KCNIP3: variants seen among roughly 807,000 people sequenced by gnomAD.
KCNIP3 encodes the protein potassium voltage-gated channel interacting protein 3.
KCNIP3 carries 28 observed loss-of-function variants against 35.0 expected under a neutral mutation model. The observed-to-expected ratio is 0.80, with a 90% confidence interval of 0.59 to 1.10. KCNIP3 has a LOEUF of 1.10. KCNIP3 is among the 50% of genes least tolerant of loss of function. KCNIP3 has a pLI of 0.00. For synonymous variants in KCNIP3, 134 were observed against 133.8 expected (o/e 1.00, Z -0.01); for missense variants, 295 against 338.4 (o/e 0.87, Z 1.01).
chr2:95,338,394 G>A (rs1051052258), intron 2 of KCNIP3, among the ~76,000 whole-genome samples: 3 of 152,210 alleles, frequency 2.0e-5, no homozygotes, highest in African/African-American at 7.2e-5. Context: ...CAGAGCCCAG[G>A]AACCTGTGTC....
intron 1 of KCNIP3, among the ~76,000 whole-genome samples, chr2:95,305,665 C>G (rs1354926691): frequency 6.6e-6 from 1 of 152,214 alleles, no homozygotes; most frequent in Non-Finnish European, 1.5e-5. Context: ...TGCCTCCCCC[C>G]ATCCTTAACC....
intron 2 of KCNIP3, among the ~76,000 whole-genome samples, chr2:95,337,671 T>C (rs1679091887): frequency 6.6e-6 from 1 of 152,226 alleles, no homozygotes; most frequent in African/African-American, 2.4e-5. Flanking sequence ...CATTTTACAG[T>C]TGCAGACATT....
Position 95,377,834 on chromosome 2 carries a change from T to G in KCNIP3, c.447+2626T>G, listed in dbSNP as rs1431731725. On this transcript the variant is annotated intron_variant, in intron 5 of 8. Transcript: ENST00000295225. The surrounding 1 kb of genome is among the most constrained non-coding windows in gnomAD (Gnocchi z 4.7). ...AAGGGATACTGCATAGGGACATTCC[T>G]CAGCTGCTAGCAGCAGGCTCTGTGG... 6.6e-6 allele frequency among the ~76,000 whole-genome samples: 1 copy of G among 152,196 alleles called. No homozygotes were observed. The highest frequency in any genetic ancestry group is 1.5e-5 in the Non-Finnish European group (1 of 68,040).
At chr2:95,345,876 C>G (rs1182181511) in intron 2 of KCNIP3, among the ~76,000 whole-genome samples, 1 of 152,242 alleles carries the variant, frequency 6.6e-6, no homozygotes, top group African/African-American at 2.4e-5. Flanking sequence ...AACGAATAAG[C>G]ATGCCCTTGC....
chr2:95,383,390 C>T (rs1573525792), intron 8 of KCNIP3, 96 bp downstream of exon 8: 3 of 1,226,578 alleles, frequency 2.4e-6, no homozygotes, highest in Admixed American at 3.9e-5. Flanking sequence ...CCCAGTCCCA[C>T]CCCTGCCAGT....
chr2:95,341,296 C>A (rs562869481), intron 2 of KCNIP3, among the ~76,000 whole-genome samples: 13 of 152,158 alleles, frequency 8.5e-5, no homozygotes, highest in African/African-American at 3.1e-4. Flanking sequence ...TGTGCCTGCT[C>A]CCCCTTCACC....
At chr2:95,346,553 G>T (rs1266253941) in intron 2 of KCNIP3, among the ~76,000 whole-genome samples, 1 of 146,532 alleles carries the variant, frequency 6.8e-6, no homozygotes, top group Non-Finnish European at 1.5e-5. Flanking sequence ...CGCGGGGAGC[G>T]GCGATGGAGG....
In KCNIP3 at chr2:95,382,592, C is replaced by T; in HGVS notation, c.660+111C>T. 1.5e-6 allele frequency: 1 copy of T among 671,756 alleles called. No homozygotes were observed. The highest frequency in any genetic ancestry group is 2.5e-6 in the Non-Finnish European group (1 of 407,140). The allele number at this position is 671,756 out of a possible 1,614,324, so 41.6% of individuals were successfully genotyped here. A position where few individuals can be genotyped will look rare whatever the true frequency, so the allele number is the denominator to read the frequency against. The stretch of plus-strand genomic sequence containing the variant: ...TGCCCCTCTGAGCCTCCCTACTCCC[C>T]ATGAGGAGGTTAAACTTGCCCCTCC... On this transcript the variant is annotated intron_variant, in intron 7 of 8. Coordinates refer to ENST00000295225, the MANE Select transcript of KCNIP3 (RefSeq NM_013434.5). The surrounding 1 kb of genome is among the most constrained non-coding windows in gnomAD (Gnocchi z 4.5).
chr2:95,358,283 T>C (rs1296266001), intron 2 of KCNIP3, among the ~76,000 whole-genome samples: 1 of 152,242 alleles, frequency 6.6e-6, no homozygotes, highest in Non-Finnish European at 1.5e-5. Flanking sequence ...GCCCAGTACC[T>C]GGTGCATTTC....
chr2:95,297,568 G>C (rs1047076782), intron 1 of KCNIP3, 115 bp downstream of exon 1: 3 of 842,314 alleles, frequency 3.6e-6, no homozygotes, highest in African/African-American at 1.7e-5. Flanking sequence ...GTCCCCTCTT[G>C]TTCCACTTTC....
intron 2 of KCNIP3, among the ~76,000 whole-genome samples, chr2:95,345,955 T>C (rs1253937372): frequency 6.6e-6 from 1 of 152,042 alleles, no homozygotes; most frequent in African/African-American, 2.4e-5. Context: ...CGTCTCCCCC[T>C]CTCTGCGGAG....
chr2:95,325,408 CA>C (rs1204768693), intron 2 of KCNIP3, among the ~76,000 whole-genome samples: 3 of 152,168 alleles, frequency 2.0e-5, no homozygotes, highest in Admixed American at 6.5e-5. Flanking sequence ...AGAGGACAGT[CA>C]GGGGACGTCC....
At chr2:95,322,236 C>T (rs1678613714) in intron 2 of KCNIP3, among the ~76,000 whole-genome samples, 1 of 152,172 alleles carries the variant, frequency 6.6e-6, no homozygotes, top group Non-Finnish European at 1.5e-5. Context: ...TGGTGACACA[C>T]ACCTGTGGTC....
At chr2:95,335,218 C>T (rs1230502223) in intron 2 of KCNIP3, among the ~76,000 whole-genome samples, 1 of 152,244 alleles carries the variant, frequency 6.6e-6, no homozygotes, top group Non-Finnish European at 1.5e-5. Context: ...ATGTGGTTCC[C>T]ACATGGGAAA....
At chr2:95,358,180 G>A (rs913892148) in intron 2 of KCNIP3, among the ~76,000 whole-genome samples, 7 of 152,196 alleles carry the variant, frequency 4.6e-5, no homozygotes, top group African/African-American at 1.7e-4. Context: ...GTGGCAAGCT[G>A]CAGGAGGCCT....
intron 2 of KCNIP3, among the ~76,000 whole-genome samples, chr2:95,356,682 G>A (rs1056500119): frequency 5.3e-5 from 8 of 152,068 alleles, no homozygotes; most frequent in Admixed American, 4.6e-4. Flanking sequence ...TATTTCTGAG[G>A]CCTCTGTTCT....
Position 95,378,829 on chromosome 2 carries a change from CACACATATTTATATACACATATATAT to C in KCNIP3, c.448-2758_448-2733del, listed in dbSNP as rs1036627459. 2.6e-5 allele frequency among the ~76,000 whole-genome samples: 4 copies of C among 151,148 alleles called. No homozygotes were observed. The highest frequency in any genetic ancestry group is 9.8e-5 in the African/African-American group (4 of 41,016). ...ATATACACACACACACACATATATA[CACACATATTTATATACACATATATAT>C]ACACATATATACACACACACACATA... is the stretch of plus-strand genomic sequence containing the variant. On this transcript the variant is annotated intron_variant, in intron 5 of 8. Transcript: ENST00000295225. The surrounding 1 kb of genome is among the most constrained non-coding windows in gnomAD (Gnocchi z 4.0).
chr2:95,297,529 G>T (rs1677897700), intron 1 of KCNIP3, 76 bp downstream of exon 1: 1 of 1,176,932 alleles, frequency 8.5e-7, no homozygotes, highest in Non-Finnish European at 1.2e-6. Context: ...GGGTTGCTCT[G>T]GACCAGGAAG....
intron 2 of KCNIP3, among the ~76,000 whole-genome samples, chr2:95,325,588 C>A (rs1361011945): frequency 1.3e-5 from 2 of 151,904 alleles, no homozygotes; most frequent in African/African-American, 4.8e-5. Context: ...TGCACGCACA[C>A]ACGCACTCAC....
Sources: allele counts gnomAD v4.1 joint callset (sites outside exome capture counted in the v4.1 genomes callset), GRCh38; gene constraint gnomAD v4.1.1; non-coding constraint Gnocchi (gnomAD v3.1); transcripts MANE v1.5; gene names NCBI Gene and HGNC (gene_info 2026-07-23, HGNC 2026-07-21).